Variants in MAPK8IP3 observed in about 807,000 individuals in gnomAD.
The protein encoded by MAPK8IP3 is C-Jun-amino-terminal kinase-interacting protein 3.
A neutral mutation model predicts 157.8 loss-of-function variants in MAPK8IP3; 49 were observed. The observed-to-expected ratio is 0.31, with a 90% CI of 0.25 to 0.39. The LOEUF (loss-of-function observed/expected upper bound fraction) is 0.39. MAPK8IP3 is among the 10% of genes least tolerant of loss of function. MAPK8IP3 has a pLI of 1.00. For synonymous variants in MAPK8IP3, 897 were observed against 777.7 expected (o/e 1.15, Z -2.55); for missense variants, 1,478 against 1,889.4 (o/e 0.78, Z 4.04).
intron 4 of MAPK8IP3, among the ~76,000 whole-genome samples, chr16:1,739,674 G>A (rs1486545659): frequency 2.4e-5 from 3 of 124,682 alleles, no homozygotes; most frequent in African/African-American, 6.2e-5. Flanking sequence ...GACCGTTCGT[G>A]TGAGTGACCG....
Position 1,768,865 on chromosome 16 carries a change from C to A in MAPK8IP3, c.*41C>A, listed in dbSNP as rs764351198. 14 of 1,600,760 alleles carry A rather than the reference C, an allele frequency of 8.7e-6. No individual in the cohort carries two copies. Among genetic ancestry groups the A allele is most frequent in the Non-Finnish European group, 1.2e-5 (14 of 1,174,398 alleles). ...TGGCCCGACCTGTACATAGGACCCC[C>A]GACCACCTGACCCCCGCCCGGCCCG... On this transcript the variant is annotated 3_prime_UTR_variant, in exon 32 of 32. Transcript: ENST00000610761.
At chr16:1,753,420 C>T (rs1213495453) in intron 8 of MAPK8IP3, among the ~76,000 whole-genome samples, 1 of 151,836 alleles carries the variant, frequency 6.6e-6, no homozygotes, top group African/African-American at 2.4e-5. Flanking sequence ...CTGCACCCAG[C>T]CCACATACCA....
chr16:1,756,727 TGGGA>T (rs1188260278), intron 8 of MAPK8IP3, among the ~76,000 whole-genome samples: 2 of 147,864 alleles, frequency 1.4e-5, no homozygotes, highest in Middle Eastern at 3.3e-3. Flanking sequence ...GAGGCTGAGG[TGGGA>T]GGATCTCTTG....
Position 1,765,963 on chromosome 16 carries a change from C to A in MAPK8IP3, c.2450C>A (p.Ala817Asp), listed in dbSNP as rs1555458045. The A allele has an allele frequency of 6.2e-7, 1 of 1,610,194 alleles. No homozygotes were observed. Among genetic ancestry groups the A allele is most frequent in the Non-Finnish European group, 8.5e-7 (1 of 1,178,494 alleles). The change falls in exon 21 of 32, where the codon GCC (alanine) becomes GAC (aspartate). Residue 817 changes from alanine to aspartate, a missense_variant. By Grantham distance (126) the Ala-to-Asp change is moderately radical. Around this residue, in one of 11 missense-constraint regions of MAPK8IP3, gnomAD observed 669 missense variants for 759.8 expected, o/e 0.88. Transcript: ENST00000610761. Reference protein sequence around the residue: ...HVLCISSIPAASDSDYPPGEM... With the variant: ...HVLCISSIPADSDSDYPPGEM... ...GACGGGCCGTCCCTCTCCCCAGCGG[C>A]CAGCGACAGCGACTACCCTCCCGGG...
At chr16:1,736,783 CGT>C (rs1470099966) in intron 4 of MAPK8IP3, among the ~76,000 whole-genome samples, 7 of 42,330 alleles carry the variant, frequency 1.7e-4, no homozygotes, top group East Asian at 9.9e-4. Flanking sequence ...TGTGACCATC[CGT>C]GTGTGACCGT....
At chr16:1,761,155 C>A in intron 12 of MAPK8IP3, 69 bp from the exon 13 acceptor site, 1 of 1,290,196 alleles carries the variant, frequency 7.8e-7, no homozygotes, top group Non-Finnish European at 1.1e-6. Flanking sequence ...GGGGCGGGCA[C>A]TGCCCGCTAT....
intron 2 of MAPK8IP3, among the ~76,000 whole-genome samples, chr16:1,726,506 C>T (rs1789745110): frequency 1.3e-5 from 2 of 152,146 alleles, no homozygotes; most frequent in South Asian, 4.1e-4. Context: ...GAAACCCCAT[C>T]TCTACAAAAA....
Position 1,764,432 on chromosome 16 carries a change from C to T in MAPK8IP3, c.2253C>T (p.Ser751=), listed in dbSNP as rs768160495. The T allele has an allele frequency of 1.6e-5, 26 of 1,607,832 alleles. No individual in the cohort carries two copies. The highest frequency in any genetic ancestry group is 2.1e-5 in the Non-Finnish European group (25 of 1,178,728). ...CDREGDGEPK[S]AHTSPEKKKA... is the part of the protein sequence containing the mutation. ...GCGAAGGAGACGGCGAGCCCAAGAG[C>T]GCCCACACGTCTCCCGAGAAGAAGA... Residue 751 remains serine, a synonymous_variant, in exon 19 of 32, where the codon AGC becomes AGT. Transcript: ENST00000610761.
At chr16:1,765,918 T>C (rs1428259196) in intron 20 of MAPK8IP3, 42 bp from the exon 21 acceptor site, 1 of 1,557,388 alleles carries the variant, frequency 6.4e-7, no homozygotes, top group Non-Finnish European at 8.7e-7. Flanking sequence ...CTTGCAGTAG[T>C]GGGTTCCCCC....
At position 1,706,716 on chromosome 16, in the gene MAPK8IP3, C is replaced by T; in HGVS notation, c.318+59C>T. 7 of 1,468,398 alleles carry T rather than the reference C, an allele frequency of 4.8e-6. No homozygotes were observed. The highest frequency in any genetic ancestry group is 6.3e-6 in the Non-Finnish European group (7 of 1,107,864). 91.0% of individuals were successfully genotyped at this position (1,468,398 alleles called of 1,614,324 possible). On this transcript the variant is annotated intron_variant, in intron 1 of 31. Coordinates refer to ENST00000610761, the MANE Select transcript of MAPK8IP3 (RefSeq NM_001318852.2). The surrounding 1 kb of genome is among the most constrained non-coding windows in gnomAD (Gnocchi z 5.1). ...TCCCGGACCCCCAGCCAGCCCCGGGCCCCGGACCCAACACCCGTCCCGACC... is the reference window on the plus strand; with the variant it reads ...TCCCGGACCCCCAGCCAGCCCCGGGTCCCGGACCCAACACCCGTCCCGACC...
chr16:1,757,212 C>T (rs1268032528), intron 8 of MAPK8IP3, among the ~76,000 whole-genome samples: 2 of 152,098 alleles, frequency 1.3e-5, no homozygotes, highest in African/African-American at 4.8e-5. Context: ...TTCAGCCACT[C>T]TCCTGCCTCA....
chr16:1,759,710 C>T (rs376048941), intron 10 of MAPK8IP3, among the ~76,000 whole-genome samples: 2 of 152,228 alleles, frequency 1.3e-5, no homozygotes, highest in South Asian at 2.1e-4. Context: ...CAGGGGCCTG[C>T]GTCCGGCCAG....
chr16:1,748,150 A>T, intron 6 of MAPK8IP3, 94 bp from the exon 7 acceptor site: 1 of 907,512 alleles, frequency 1.1e-6, no homozygotes, highest in Non-Finnish European at 1.8e-6. Flanking sequence ...GTCCAGCTCC[A>T]GCCCACCAGA....
At chr16:1,730,649 C>T (rs977405941) in intron 4 of MAPK8IP3, among the ~76,000 whole-genome samples, 4 of 152,048 alleles carry the variant, frequency 2.6e-5, no homozygotes, top group Non-Finnish European at 5.9e-5. Context: ...CGAGACCATC[C>T]TGGCTAACAT....
At chr16:1,749,228 C>T (rs1342163589) in intron 8 of MAPK8IP3, among the ~76,000 whole-genome samples, 1 of 152,216 alleles carries the variant, frequency 6.6e-6, no homozygotes. Flanking sequence ...TTACAGCGTA[C>T]TCACAGGTGG....
At chr16:1,745,155 G>A in intron 5 of MAPK8IP3, 1 of 985,464 alleles carries the variant, frequency 1.0e-6, no homozygotes, top group Non-Finnish European at 1.2e-6. Flanking sequence ...GCCCTGTAGG[G>A]TGACGGAGAG....
At chr16:1,737,642 G>C (rs1338617829) in intron 4 of MAPK8IP3, among the ~76,000 whole-genome samples, 1 of 83,314 alleles carries the variant, frequency 1.2e-5, no homozygotes, top group Non-Finnish European at 2.4e-5. Flanking sequence ...GTGAGCATCC[G>C]TGTGACTGTC....
In MAPK8IP3 at chr16:1,748,353, G is replaced by C; in HGVS notation, c.1097+7G>C. ...TGGACCGCACAGGAAGCAGGTACTGGCTCAGCCCAGGCCCTGGGGTCCTGG... is the reference window on the plus strand; with the variant it reads ...TGGACCGCACAGGAAGCAGGTACTGCCTCAGCCCAGGCCCTGGGGTCCTGG... On this transcript the variant is annotated splice_region_variant and intron_variant, in intron 7 of 31. Transcript: ENST00000610761. 2 of 1,611,834 alleles carry C rather than the reference G, an allele frequency of 1.2e-6. No individual in the cohort carries two copies. Among genetic ancestry groups the C allele is most frequent in the South Asian group, 1.1e-5 (1 of 91,056 alleles).
intron 8 of MAPK8IP3, chr16:1,752,435 C>G (rs746948211): frequency 9.0e-6 from 3 of 331,856 alleles, no homozygotes; most frequent in Non-Finnish European, 1.8e-5. Flanking sequence ...GAGCCTTAAA[C>G]GTAATGCGTA....
Sources: gnomAD v4.1 joint callset for allele counts (sites outside exome capture counted in the v4.1 genomes callset) on GRCh38, gnomAD v4.1.1 for gene constraint, gnomAD v4.1.1 regional missense constraint, Gnocchi (gnomAD v3.1) non-coding constraint, MANE v1.5 for transcripts, NCBI Gene and HGNC (gene_info 2026-07-23, HGNC 2026-07-21) for gene names.